The following HDAC9 variants were observed in gnomAD, a reference collection of about 807,000 sequenced individuals.
The protein encoded by HDAC9 is histone deacetylase 9.
HDAC9 carries 41 observed loss-of-function variants against 139.4 expected under a neutral mutation model. The ratio of observed to expected loss-of-function variants is 0.29; its 90% CI spans 0.23 to 0.38. The LOEUF is 0.38. HDAC9 is among the 10% of genes least tolerant of loss of function. HDAC9 has a pLI of 1.00. For synonymous variants in HDAC9, 517 were observed against 476.2 expected, an observed-to-expected ratio of 1.09 and a Z score of -1.12; for missense variants, 1,147 against 1,297.0, an observed-to-expected ratio of 0.88 and a Z score of 1.78.
At chr7:18,498,960 T>C (rs1233237804) in intron 2 of HDAC9, among the ~76,000 whole-genome samples, 1 of 152,106 alleles carries the variant, frequency 6.6e-6, no homozygotes, top group African/African-American at 2.4e-5. Flanking sequence ...GATTGTTTGT[T>C]TTGATAATCA....
intron 2 of HDAC9, among the ~76,000 whole-genome samples, chr7:18,556,877 C>A (rs1185037655): frequency 9.2e-5 from 14 of 151,802 alleles, no homozygotes; most frequent in Admixed American, 9.2e-4. Flanking sequence ...GTAAATAATT[C>A]TTTTGAGTAA....
chr7:18,106,863 C>G (rs1783244716), intron 1 of HDAC9, among the ~76,000 whole-genome samples: 2 of 152,056 alleles, frequency 1.3e-5, no homozygotes, highest in South Asian at 4.1e-4. Context: ...CCTGGAATCC[C>G]TTTTTATACA....
At position 18,426,334 on chromosome 7, in the gene HDAC9, C is replaced by T. The variant is rs375289084; in HGVS notation, c.-41-69928C>T. Among the ~76,000 whole-genome samples, 245 of 152,282 alleles carry T rather than the reference C, an allele frequency of 1.6e-3. 1 individual carries two copies. Among genetic ancestry groups the T allele is most frequent in the African/African-American group, 5.4e-3 (226 of 41,560 alleles). ...GCCAAGTGAGCTTTCATGTAAGTGG[C>T]GGCGTTTATGCAAATGCTAATGCAG... On this transcript the variant is annotated intron_variant, in intron 1 of 3. Coordinates refer to the HDAC9 transcript ENST00000413509.
chr7:18,419,499 G>A (rs1024379601), intron 1 of HDAC9, among the ~76,000 whole-genome samples: 2 of 150,656 alleles, frequency 1.3e-5, no homozygotes, highest in African/African-American at 4.9e-5. Flanking sequence ...ATAAGTTTTA[G>A]TGTTTTCCAC....
chr7:18,251,590 C>A (rs1794920705), intron 2 of HDAC9, among the ~76,000 whole-genome samples: 3 of 152,160 alleles, frequency 2.0e-5, no homozygotes, highest in African/African-American at 7.2e-5. Flanking sequence ...CAGGGAGATT[C>A]TAAGAACAAA....
At chr7:18,399,082 C>G (rs914888895) in intron 1 of HDAC9, among the ~76,000 whole-genome samples, 5 of 152,280 alleles carry the variant, frequency 3.3e-5, no homozygotes, top group African/African-American at 1.2e-4. Flanking sequence ...CCTTTGCCCA[C>G]TGCTCTGTGT....
At chr7:18,409,797 A>G (rs1235194197) in intron 1 of HDAC9, among the ~76,000 whole-genome samples, 2 of 152,154 alleles carry the variant, frequency 1.3e-5, no homozygotes, top group East Asian at 1.9e-4. Flanking sequence ...ATTTTCTTAT[A>G]TTTTACATGT....
At chr7:18,762,737 A>G (rs538746516) in intron 15 of HDAC9, among the ~76,000 whole-genome samples, 41 of 152,314 alleles carry the variant, frequency 2.7e-4, no homozygotes, top group African/African-American at 8.7e-4. Flanking sequence ...TATGCCCATC[A>G]CACTACATTC....
intron 2 of HDAC9, among the ~76,000 whole-genome samples, chr7:18,169,750 G>A (rs1235712789): frequency 6.6e-6 from 1 of 152,026 alleles, no homozygotes. Flanking sequence ...TGAGAATGAT[G>A]GTTTCCAGCT....
Position 18,999,355 on chromosome 7 carries a change from T to C in HDAC9, c.*3293T>C, listed in dbSNP as rs1786637817. 1 of 152,224 alleles carries C rather than the reference T, an allele frequency of 6.6e-6. No homozygotes were observed. The highest frequency in any genetic ancestry group is 2.1e-4 in the South Asian group (1 of 4,832). The allele number at this position is 152,224 out of a possible 1,614,324, so 9.4% of individuals were successfully genotyped here. A position where few individuals can be genotyped will look rare whatever the true frequency, so the allele number is the denominator to read the frequency against. On this transcript the variant is annotated 3_prime_UTR_variant, in exon 26 of 26. Coordinates refer to ENST00000686413, the MANE Select transcript of HDAC9 (RefSeq NM_178425.4). ...ATTTCCAAAGGGCAATTATAAAGCC[T>C]CGTGGATTTACTGGGTTTCTTTACA...
chr7:18,360,327 G>T (rs1176183732), intron 1 of HDAC9, among the ~76,000 whole-genome samples: 1 of 152,042 alleles, frequency 6.6e-6, no homozygotes. Flanking sequence ...CTGTACTGTC[G>T]TACTCCTTCA....
intron 1 of HDAC9, among the ~76,000 whole-genome samples, chr7:18,115,969 C>T (rs919844049): frequency 6.6e-6 from 1 of 152,136 alleles, no homozygotes; most frequent in Admixed American, 6.5e-5. Flanking sequence ...CTTAGTTACA[C>T]GTTGAATTGT....
rs529916100 is a variant in HDAC9 at position 18,279,013 on chromosome 7, A to G, written c.25+116664A>G. On this transcript the variant is annotated intron_variant, in intron 2 of 12. Coordinates refer to the HDAC9 transcript ENST00000417496. ...AATTTTAAAGTAAATTTTATATGTC[A>G]TTTTGGAAATAAATTAGAAAGATAT... Among the ~76,000 whole-genome samples, 24 of 152,308 alleles carry G rather than the reference A, an allele frequency of 1.6e-4. No individual in the cohort carries two copies. In the South Asian group the frequency reaches 4.8e-3, roughly 30 times the overall value.
chr7:18,355,671 T>A (rs999236405), intron 1 of HDAC9, among the ~76,000 whole-genome samples: 2 of 152,192 alleles, frequency 1.3e-5, no homozygotes, highest in African/African-American at 4.8e-5. Context: ...ATACAGAGTG[T>A]GAGACATTGA....
At chr7:18,496,422 C>A in intron 2 of HDAC9, 98 bp downstream of exon 2, 2 of 1,042,562 alleles carry the variant, frequency 1.9e-6, no homozygotes, top group Non-Finnish European at 1.5e-6. Context: ...GAAATTGCTG[C>A]TTTTTCGTGT....
At chr7:18,658,839 A>C (rs1046363071) in intron 11 of HDAC9, among the ~76,000 whole-genome samples, 1 of 151,634 alleles carries the variant, frequency 6.6e-6, no homozygotes, top group Non-Finnish European at 1.5e-5. Flanking sequence ...CTTGGAGCTT[A>C]AGGGAAATGT....
At chr7:18,152,018 C>A (rs1339405919) in intron 1 of HDAC9, 3 of 152,104 alleles carry the variant, frequency 2.0e-5, no homozygotes, top group African/African-American at 7.2e-5. Context: ...AAGCTGTGCA[C>A]CAGCTCTTTC....
At chr7:18,237,950 A>G (rs148487682) in intron 2 of HDAC9, among the ~76,000 whole-genome samples, 3 of 152,238 alleles carry the variant, frequency 2.0e-5, no homozygotes, top group Admixed American at 6.5e-5. Context: ...GTCAATGGCC[A>G]TAAATCTTTT....
At position 18,585,331 on chromosome 7, in the gene HDAC9, G is replaced by C. The variant is rs770090243; in HGVS notation, c.73G>C (p.Asp25His). The part of the protein sequence containing the change: ...PVGLEPISPL[D>H]LRTDLRMMMP... ...GGGCCTGGAGCCCATCTCACCTTTA[G>C]ACCTAAGGACAGACCTCAGGATGAT... Residue 25 changes from aspartate to histidine, a missense_variant, in exon 3 of 26, where the codon GAC becomes CAC. Around this residue, in one of 7 missense-constraint regions of HDAC9, gnomAD observed 136 missense variants for 183.5 expected, o/e 0.74. Coordinates refer to ENST00000686413, the MANE Select transcript of HDAC9 (RefSeq NM_178425.4). 6.2e-7 allele frequency: 1 copy of C among 1,610,010 alleles called. No homozygotes were observed. Among genetic ancestry groups the C allele is most frequent in the South Asian group, 1.1e-5 (1 of 90,984 alleles).
Sources: gnomAD v4.1 joint callset for allele counts (sites outside exome capture counted in the v4.1 genomes callset) on GRCh38, gnomAD v4.1.1 for gene constraint, gnomAD v4.1.1 regional missense constraint, MANE v1.5 for transcripts, NCBI Gene and HGNC (gene_info 2026-07-23, HGNC 2026-07-21) for gene names.